Variants in RAD23B observed in about 807,000 individuals in gnomAD.
The protein encoded by RAD23B is lysine-specific demethylase RAD23B.
RAD23B carries 5 observed loss-of-function variants against 49.1 expected under a neutral mutation model. That is an observed-to-expected ratio of 0.10 (90% confidence interval 0.05 to 0.21). The LOEUF (loss-of-function observed/expected upper bound fraction) is 0.21, where lower values mean the gene tolerates loss of function less well. Ranked by LOEUF, RAD23B falls within the 10% of genes least tolerant of loss-of-function variation. The probability of loss-of-function intolerance (pLI) is 1.00; values close to 1 mark genes in which losing one functional copy is unlikely to be tolerated. For synonymous variants in RAD23B, 184 were observed against 165.4 expected, an observed-to-expected ratio of 1.11 and a Z score of -0.86; for missense variants, 356 against 486.7, an observed-to-expected ratio of 0.73 and a Z score of 2.53.
In RAD23B at chr9:107,332,001, T is replaced by A. The variant is rs1827318633; in HGVS notation, c.*2345T>A. ...CGAGGTATACTGTCATTTCTTGAAA[T>A]CTTTTTCTCGTTTAGTTGCTCTGTG... is the stretch of plus-strand genomic sequence containing the variant. On this transcript the variant is annotated 3_prime_UTR_variant, in exon 10 of 10. Transcript: ENST00000358015. 2.6e-6 allele frequency: 1 copy of A among 387,132 alleles called. No homozygotes were observed. The allele number at this position is 387,132 out of a possible 1,614,324, so 24.0% of individuals were successfully genotyped here.
At chr9:107,309,941 A>G (rs1160592184) in intron 4 of RAD23B, among the ~76,000 whole-genome samples, 1 of 151,148 alleles carries the variant, frequency 6.6e-6, no homozygotes, top group Non-Finnish European at 1.5e-5. Flanking sequence ...AAAAAAAAAA[A>G]AAAAAAAAAC....
intron 3 of RAD23B, among the ~76,000 whole-genome samples, chr9:107,304,117 C>T (rs1326938904): frequency 6.6e-6 from 1 of 150,412 alleles, no homozygotes; most frequent in East Asian, 1.9e-4. Flanking sequence ...CTTATTAATA[C>T]AAAGAAGGGA....
chr9:107,323,827 A>G lies in RAD23B; in HGVS notation c.818-63A>G, dbSNP rs575662699. 1.2e-5 allele frequency: 17 copies of G among 1,441,860 alleles called. No homozygotes were observed. The African/African-American group carries it at 2.2e-4, about 19-fold the overall frequency. The allele number at this position is 1,441,860 out of a possible 1,614,324, so 89.3% of individuals were successfully genotyped here. A position where few individuals can be genotyped will look rare whatever the true frequency, so the allele number is the denominator to read the frequency against. On this transcript the variant is annotated intron_variant, in intron 7 of 9. Transcript: ENST00000358015. ...ATAGTGTTTGCTGTCTAAATGTATT[A>G]TTTAACCACTGTTTGTGTATGTATT...
rs1805333 is a variant in RAD23B, at chr9:107,306,486, C to T, written c.336C>T (p.Thr112=). 6,870 of 1,614,132 alleles carry T rather than the reference C, an allele frequency of 4.3e-3. 191 individuals carry two copies. In the African/African-American group the frequency reaches 0.069, roughly 16 times the overall value. Residue 112 remains threonine, a synonymous_variant, in exon 4 of 10, where the codon ACC becomes ACT. Coordinates refer to ENST00000358015, the MANE Select transcript of RAD23B (RefSeq NM_002874.5). Reference sequence around the variant, plus strand: ...CCACAACTGTGGCTCAGGCTCCAACCCCTGTCCCTGCCTTGGCCCCCACTT... The same window carrying T: ...CCACAACTGTGGCTCAGGCTCCAACTCCTGTCCCTGCCTTGGCCCCCACTT... ...STTTTVAQAP[T]PVPALAPTST...
At chr9:107,325,489 A>T (rs1827187669) in intron 9 of RAD23B, among the ~76,000 whole-genome samples, 1 of 152,064 alleles carries the variant, frequency 6.6e-6, no homozygotes, top group African/African-American at 2.4e-5. Flanking sequence ...AAGTATTTTT[A>T]TTCTTTTTGA....
intron 4 of RAD23B, among the ~76,000 whole-genome samples, chr9:107,307,765 G>A (rs987024930): frequency 5.9e-5 from 9 of 152,138 alleles, no homozygotes; most frequent in African/African-American, 1.9e-4. Flanking sequence ...TTGCTTACTT[G>A]GGGGTCTCTT....
At chr9:107,325,935 C>T (rs909273093) in intron 9 of RAD23B, among the ~76,000 whole-genome samples, 9 of 152,072 alleles carry the variant, frequency 5.9e-5, no homozygotes, top group Admixed American at 4.6e-4. Flanking sequence ...TTGTTCATCA[C>T]GAAAAGGTGT....
intron 3 of RAD23B, among the ~76,000 whole-genome samples, chr9:107,304,121 G>T: frequency 6.6e-6 from 1 of 152,028 alleles, no homozygotes; most frequent in Admixed American, 6.6e-5. Context: ...TTAATACAAA[G>T]AAGGGAAAGG....
intron 4 of RAD23B, among the ~76,000 whole-genome samples, chr9:107,308,344 G>A (rs1344855083): frequency 6.6e-6 from 1 of 151,760 alleles, no homozygotes; most frequent in Non-Finnish European, 1.5e-5. Context: ...TCAGCCTCCT[G>A]AGTAGCTGGG....
intron 3 of RAD23B, 143 bp downstream of exon 3, chr9:107,302,257 C>T (rs996959780): frequency 1.1e-5 from 12 of 1,137,174 alleles, no homozygotes; most frequent in Non-Finnish European, 1.4e-5. Context: ...TAAGAATTTA[C>T]CTTAAGTGAA....
chr9:107,294,681 A>G (rs913550976), intron 1 of RAD23B, among the ~76,000 whole-genome samples: 3 of 152,238 alleles, frequency 2.0e-5, no homozygotes, highest in Non-Finnish European at 4.4e-5. Context: ...CAGATACATT[A>G]TGGTTTAAAT....
chr9:107,325,897 A>C (rs1230043475), intron 9 of RAD23B, among the ~76,000 whole-genome samples: 2 of 152,208 alleles, frequency 1.3e-5, no homozygotes, highest in Admixed American at 1.3e-4. Context: ...CCTTTATCAG[A>C]TTGAAGAAAT....
intron 3 of RAD23B, among the ~76,000 whole-genome samples, chr9:107,306,051 C>T (rs10816489): frequency 4.0e-5 from 2 of 49,792 alleles, no homozygotes; most frequent in African/African-American, 8.7e-5. Flanking sequence ...CGGTTTATAT[C>T]TATATATATA....
At chr9:107,312,118 A>G (rs1265212292) in intron 5 of RAD23B, among the ~76,000 whole-genome samples, 1 of 152,234 alleles carries the variant, frequency 6.6e-6, no homozygotes, top group Non-Finnish European at 1.5e-5. Flanking sequence ...GACTTAATTC[A>G]ACTTGATGGC....
intron 6 of RAD23B, among the ~76,000 whole-genome samples, chr9:107,321,654 AT>A (rs1827114177): frequency 6.6e-6 from 1 of 152,170 alleles, no homozygotes; most frequent in Admixed American, 6.5e-5. Flanking sequence ...ATGTATCAAT[AT>A]TTTTCAAATT....
rs11573701 is a variant in RAD23B at position 107,322,194 on chromosome 9, C to A, written c.817+76C>A. The A allele has an allele frequency of 2.1e-6, 3 of 1,439,586 alleles. No homozygotes were observed. The African/African-American group carries it at 4.3e-5, about 21-fold the overall frequency. 89.2% of individuals were successfully genotyped at this position (1,439,586 alleles called of 1,614,324 possible). A position where few individuals can be genotyped will look rare whatever the true frequency, so the allele number is the denominator to read the frequency against. ...TAAAATAATTTAACCTGAAATACTT[C>A]AGAAATGACGTTCATTCCCAGAGCA... On this transcript the variant is annotated intron_variant, in intron 7 of 9. Coordinates refer to ENST00000358015, the MANE Select transcript of RAD23B (RefSeq NM_002874.5).
chr9:107,283,495 C>A lies in RAD23B; in HGVS notation c.-135C>A, dbSNP rs1345795745. 7 of 577,942 alleles carry A rather than the reference C, an allele frequency of 1.2e-5. No individual in the cohort carries two copies. The East Asian group carries it at 1.4e-4, about 11-fold the overall frequency. The allele number at this position is 577,942 out of a possible 1,614,324, so 35.8% of individuals were successfully genotyped here. A position where few individuals can be genotyped will look rare whatever the true frequency, so the allele number is the denominator to read the frequency against. On this transcript the variant is annotated 5_prime_UTR_variant, in exon 1 of 10. Coordinates refer to ENST00000358015, the MANE Select transcript of RAD23B (RefSeq NM_002874.5). ...AGGCCGCTCCGCTGGGCGAATGTGA[C>A]AAGCCCCCACCCCCACCGCCTTCCT...
At position 107,300,537 on chromosome 9, in the gene RAD23B, GTTA is replaced by G. The variant is rs1160067212; in HGVS notation, c.148+322_148+324del. ...AATTGAAACCATTTATACTGATTGT[GTTA>G]TTATTAGTATGCTTGGAATCATTCC... On this transcript the variant is annotated intron_variant, in intron 2 of 9. Transcript: ENST00000358015. Among the ~76,000 whole-genome samples the G allele has an allele frequency of 4.6e-5, 7 of 150,612 alleles. No homozygotes were observed. In the East Asian group the frequency reaches 1.2e-3, roughly 25 times the overall value.
rs139160927 is a variant in RAD23B, at chr9:107,331,328, C to G, written c.*1672C>G. 3 of 184,788 alleles carry G rather than the reference C, an allele frequency of 1.6e-5. No homozygotes were observed. The Admixed American group carries it at 1.8e-4, about 11-fold the overall frequency. The allele number at this position is 184,788 out of a possible 1,614,324, so 11.4% of individuals were successfully genotyped here. ...GACCAGCCTGACCGTCATGGCGAAA[C>G]CCCGTCTATACTAAAAATACAAAAA... On this transcript the variant is annotated 3_prime_UTR_variant, in exon 10 of 10. Transcript: ENST00000358015.
Sources: allele counts gnomAD v4.1 joint callset (sites outside exome capture counted in the v4.1 genomes callset), GRCh38; gene constraint gnomAD v4.1.1; transcripts MANE v1.5; gene names NCBI Gene and HGNC (gene_info 2026-07-23, HGNC 2026-07-21).